The following GLRA2 variants were observed in gnomAD, a reference collection of about 807,000 sequenced individuals.
GLRA2 encodes glycine receptor subunit alpha-2.
GLRA2 carries 11 observed loss-of-function variants against 31.6 expected under a neutral mutation model. That is an observed-to-expected ratio of 0.35 (90% confidence interval 0.22 to 0.58). GLRA2 has a LOEUF of 0.58. Among genes scored for constraint, GLRA2 ranks in the 20% least tolerant of loss-of-function variants. GLRA2 has a pLI of 0.84. For synonymous variants in GLRA2, 132 were observed against 134.0 expected, an observed-to-expected ratio of 0.99 and a Z score of 0.10; for missense variants, 212 against 351.8, an observed-to-expected ratio of 0.60 and a Z score of 3.18.
chrX:14,663,540 C>G (rs920635609), intron 7 of GLRA2, among the ~76,000 whole-genome samples: 1 of 110,252 alleles, frequency 9.1e-6, no homozygotes, highest in African/African-American at 3.3e-5. Context: ...CACACACACA[C>G]AAAATAACTG....
chrX:14,463,948 G>A, the GLRA2 span, among the ~76,000 whole-genome samples: 8 of 111,866 alleles, frequency 7.2e-5, no homozygotes, highest in East Asian at 2.3e-3. Flanking sequence ...CCCGTCTTCT[G>A]CATCTATCTC....
intron 2 of GLRA2, among the ~76,000 whole-genome samples, chrX:14,532,710 G>T (rs1445607645): frequency 9.0e-6 from 1 of 111,553 alleles, no homozygotes. Context: ...CTACCAGGAT[G>T]CATGCAAGAT....
At chrX:14,459,962 G>A in the GLRA2 span, among the ~76,000 whole-genome samples, 1 of 112,117 alleles carries the variant, frequency 8.9e-6, no homozygotes, top group Middle Eastern at 4.6e-3. Context: ...TTTTCAAAGG[G>A]AATGCTTCCA....
intron 7 of GLRA2, among the ~76,000 whole-genome samples, chrX:14,644,816 T>C (rs1209157376): frequency 8.9e-6 from 1 of 111,968 alleles, no homozygotes; most frequent in Non-Finnish European, 1.9e-5. Context: ...CAAATGCTGA[T>C]TTGAGGGAAA....
the GLRA2 span, among the ~76,000 whole-genome samples, chrX:14,463,952 C>G: frequency 1.8e-5 from 2 of 112,024 alleles, no homozygotes; most frequent in African/African-American, 6.5e-5. Context: ...TCTTCTGCAT[C>G]TATCTCACTG....
intron 2 of GLRA2, among the ~76,000 whole-genome samples, chrX:14,543,721 T>C (rs1032914097): frequency 1.1e-4 from 12 of 111,951 alleles, no homozygotes; most frequent in Non-Finnish European, 2.1e-4. Flanking sequence ...AAAATAAGTA[T>C]AGGAAATTCT....
intron 7 of GLRA2, among the ~76,000 whole-genome samples, chrX:14,679,018 A>C (rs1204018099): frequency 1.8e-5 from 2 of 111,385 alleles, no homozygotes; most frequent in Non-Finnish European, 3.8e-5. Context: ...AGGATCCAAA[A>C]GAAGTGGCAA....
At chrX:14,565,229 C>T (rs1332544442) in intron 2 of GLRA2, among the ~76,000 whole-genome samples, 3 of 111,769 alleles carry the variant, frequency 2.7e-5, no homozygotes, top group Non-Finnish European at 5.7e-5. Context: ...CTACAAGAGA[C>T]TCACTTTAGT....
intron 8 of GLRA2, among the ~76,000 whole-genome samples, chrX:14,729,159 G>C (rs2091961981): frequency 8.9e-6 from 1 of 112,133 alleles, no homozygotes; most frequent in Admixed American, 9.4e-5. Flanking sequence ...ATGAAATAAA[G>C]TTAATACCAA....
intron 4 of GLRA2, among the ~76,000 whole-genome samples, chrX:14,599,056 C>T (rs779149358): frequency 9.0e-6 from 1 of 111,126 alleles, no homozygotes; most frequent in Non-Finnish European, 1.9e-5. Context: ...TTTTGGGAGA[C>T]GGACTTTCTT....
At chrX:14,517,944 C>T in the GLRA2 span, among the ~76,000 whole-genome samples, 1 of 110,865 alleles carries the variant, frequency 9.0e-6, no homozygotes, top group East Asian at 2.8e-4. Context: ...TGAAAAGCCA[C>T]AAACCAGGAA....
chrX:14,451,293 A>G, the GLRA2 span, among the ~76,000 whole-genome samples: 1 of 111,071 alleles, frequency 9.0e-6, no homozygotes, highest in Non-Finnish European at 1.9e-5. Context: ...TTCACATGTC[A>G]ATATTAACCT....
the GLRA2 span, among the ~76,000 whole-genome samples, chrX:14,469,527 G>T: frequency 2.8e-4 from 30 of 107,924 alleles, no homozygotes; most frequent in African/African-American, 9.5e-4. Context: ...AAAAAAGGAT[G>T]AGTTCATGTC....
intron 7 of GLRA2, among the ~76,000 whole-genome samples, chrX:14,688,929 G>A (rs774542194): frequency 2.2e-4 from 24 of 111,506 alleles, no homozygotes; most frequent in South Asian, 3.8e-4. Context: ...GTTCCTATTC[G>A]GCCATCTTGG....
At position 14,538,610 on chromosome X, in the gene GLRA2, C is replaced by G. The variant is rs758289164; in HGVS notation, c.202+6238C>G. 1.3e-4 allele frequency among the ~76,000 whole-genome samples: 15 copies of G among 111,243 alleles called. No individual in the cohort carries two copies. In the South Asian group the frequency reaches 3.4e-3, roughly 25 times the overall value. On this transcript the variant is annotated intron_variant, in intron 2 of 8. Transcript: ENST00000218075. ...TCCTAAATATAAAACAATGAGGGAG[C>G]CATTTGTGGGAAGGAATTATCTTTA...
At chrX:14,640,439 CTTTTT>C (rs1022423317) in intron 7 of GLRA2, among the ~76,000 whole-genome samples, 1 of 111,699 alleles carries the variant, frequency 9.0e-6, no homozygotes, top group African/African-American at 3.2e-5. Context: ...TCTTCTTTTC[CTTTTT>C]CTCAGAGTAA....
intron 7 of GLRA2, among the ~76,000 whole-genome samples, chrX:14,655,283 A>G (rs2090928466): frequency 9.0e-6 from 1 of 111,382 alleles, no homozygotes; most frequent in Admixed American, 9.5e-5. Flanking sequence ...TAGGTAAAAA[A>G]CAAACTAGGT....
chrX:14,485,038 G>T, the GLRA2 span, among the ~76,000 whole-genome samples: 2 of 112,161 alleles, frequency 1.8e-5, no homozygotes, highest in Non-Finnish European at 3.8e-5. Flanking sequence ...GAAACCACAT[G>T]GTTATAGATA....
intron 6 of GLRA2, 90 bp from the exon 7 acceptor site, chrX:14,608,898 GTCT>G (rs2090367238): frequency 2.1e-6 from 1 of 474,124 alleles, no homozygotes; most frequent in East Asian, 3.6e-5. Context: ...ATCTGCAGTA[GTCT>G]TTTTTTTTTT....
Sources: gnomAD v4.1 joint callset for allele counts (sites outside exome capture counted in the v4.1 genomes callset) on GRCh38, gnomAD v4.1.1 for gene constraint, MANE v1.5 for transcripts, NCBI Gene and HGNC (gene_info 2026-07-23, HGNC 2026-07-21) for gene names.